Variants in PGAP1 observed in about 807,000 individuals in gnomAD.
PGAP1 encodes the protein post-GPI attachment to proteins inositol deacylase 1.
PGAP1 carries 76 observed loss-of-function variants against 127.0 expected under a neutral mutation model. The ratio of observed to expected loss-of-function variants is 0.60; its 90% CI spans 0.50 to 0.72. PGAP1 has a LOEUF of 0.72. Ranked by LOEUF, PGAP1 falls within the 30% of genes least tolerant of loss-of-function variation. The pLI, the probability that PGAP1 is intolerant of heterozygous loss-of-function variation, is 0.00. For missense variants in PGAP1, 982 were observed against 1,071.3 expected (o/e 0.92, Z 1.16); for synonymous variants, 362 against 366.5 (o/e 0.99, Z 0.14).
chr2:196,856,925 A>T (rs548436149), intron 20 of PGAP1, among the ~76,000 whole-genome samples: 1 of 151,858 alleles, frequency 6.6e-6, no homozygotes, highest in Non-Finnish European at 1.5e-5. Context: ...GATTTATTTG[A>T]GCTGTGTTTT....
intron 3 of PGAP1, among the ~76,000 whole-genome samples, chr2:196,915,340 C>T (rs1284915483): frequency 2.0e-5 from 3 of 152,172 alleles, no homozygotes. Context: ...TACACACTGT[C>T]AACCTCTCAG....
chr2:196,854,433 A>G (rs1163843646), intron 20 of PGAP1, among the ~76,000 whole-genome samples: 1 of 152,196 alleles, frequency 6.6e-6, no homozygotes, highest in Non-Finnish European at 1.5e-5. Context: ...GAAATCAAAT[A>G]TGTTATCAGT....
At position 196,872,939 on chromosome 2, in the gene PGAP1, TA is replaced by T; in HGVS notation, c.1619+20del. 1 of 853,714 alleles carries T rather than the reference TA, an allele frequency of 1.2e-6. No individual in the cohort carries two copies. The highest frequency in any genetic ancestry group is 1.9e-6 in the Non-Finnish European group (1 of 527,906). 52.9% of individuals were successfully genotyped at this position (853,714 alleles called of 1,614,324 possible). ...TATTCAAAAACACCAAAGTTTAAAGTAAATTCTTTCAAATACTTACTGTGCA... is the reference window on the plus strand; with the variant it reads ...TATTCAAAAACACCAAAGTTTAAAGTAATTCTTTCAAATACTTACTGTGCA... On this transcript the variant is annotated intron_variant, in intron 17 of 26. Transcript: ENST00000354764.
Position 196,890,886 on chromosome 2 carries a change from A to G in PGAP1, c.1115T>C (p.Phe372Ser). 1 of 1,527,412 alleles carries G rather than the reference A, an allele frequency of 6.5e-7. No homozygotes were observed. Among genetic ancestry groups the G allele is most frequent in the Non-Finnish European group, 9.1e-7 (1 of 1,101,712 alleles). The allele number at this position is 1,527,412 out of a possible 1,614,324, so 94.6% of individuals were successfully genotyped here. The change falls in exon 10 of 27, where the codon TTT becomes TCT. Residue 372 changes from phenylalanine (F) to serine (S), a missense_variant. By Grantham distance (155) the Phe-to-Ser change is radical (BLOSUM62 -2). Transcript: ENST00000354764. ...GATTTTTCTATGATTTTCAAGAGGAAATGTAAAATATATCTTCTCAGATTC... is the reference window on the plus strand; with the variant it reads ...GATTTTTCTATGATTTTCAAGAGGAGATGTAAAATATATCTTCTCAGATTC... ...YNESEKIYFT[F>S]PLENHRKIYT...
chr2:196,921,767 T>C (rs954687840), intron 1 of PGAP1, among the ~76,000 whole-genome samples: 2 of 152,178 alleles, frequency 1.3e-5, no homozygotes, highest in Admixed American at 6.5e-5. Flanking sequence ...AATATGAATA[T>C]ATACAGAATT....
intron 20 of PGAP1, among the ~76,000 whole-genome samples, chr2:196,855,751 A>G (rs1700861193): frequency 6.6e-6 from 1 of 152,100 alleles, no homozygotes; most frequent in Non-Finnish European, 1.5e-5. Flanking sequence ...GAGTATTCTT[A>G]TGGCCGTATG....
chr2:196,875,721 T>A, intron 14 of PGAP1, 25 bp downstream of exon 14: 1 of 1,318,946 alleles, frequency 7.6e-7, no homozygotes, highest in Non-Finnish European at 1.1e-6. Context: ...GCAATTCTTA[T>A]GCTTTCCAAA....
At chr2:196,848,160 C>T (rs1234551691) in intron 20 of PGAP1, 123 bp from the exon 21 acceptor site, 1 of 488,246 alleles carries the variant, frequency 2.0e-6, no homozygotes, top group African/African-American at 2.0e-5. Flanking sequence ...TCATTACTAT[C>T]ACAGAGACTC....
rs192187534 is a variant in PGAP1 at position 196,917,606 on chromosome 2, T to C, written c.302-1013A>G. 3.9e-5 allele frequency among the ~76,000 whole-genome samples: 6 copies of C among 152,292 alleles called. No individual in the cohort carries two copies. In the East Asian group the frequency reaches 1.2e-3, roughly 29 times the overall value. On this transcript the variant is annotated intron_variant, in intron 2 of 26. Coordinates refer to ENST00000354764, the MANE Select transcript of PGAP1 (RefSeq NM_024989.4). ...ATATCTCATATAATACGTGGCCTTT[T>C]GGAACTGGCTTCTTTCACATAGCAT...
intron 1 of PGAP1, among the ~76,000 whole-genome samples, chr2:196,921,672 C>A (rs550042760): frequency 2.6e-4 from 39 of 151,898 alleles, no homozygotes; most frequent in African/African-American, 9.4e-4. Context: ...TTTCTTGAGA[C>A]AGAAAAGCAA....
At chr2:196,864,708 G>A (rs1701181616) in intron 20 of PGAP1, among the ~76,000 whole-genome samples, 1 of 152,010 alleles carries the variant, frequency 6.6e-6, no homozygotes, top group East Asian at 1.9e-4. Context: ...AAACTATTTG[G>A]GATTGGTGGT....
At position 196,838,200 on chromosome 2, in the gene PGAP1, G is replaced by C. The variant is rs576903591; in HGVS notation, c.*3034C>G. 1.3e-5 allele frequency: 2 copies of C among 152,294 alleles called. No homozygotes were observed. The highest frequency in any genetic ancestry group is 2.9e-5 in the Non-Finnish European group (2 of 68,012). 9.4% of individuals were successfully genotyped at this position (152,294 alleles called of 1,614,324 possible). On this transcript the variant is annotated 3_prime_UTR_variant, in exon 27 of 27. Transcript: ENST00000354764. ...TCTGGTTATCAACAATAGGGTCTAG[G>C]AGTTAAGCACAAAACTTACTCATAA...
intron 9 of PGAP1, 29 bp downstream of exon 9, chr2:196,892,316 TG>T: frequency 8.6e-7 from 1 of 1,160,514 alleles, no homozygotes. Context: ...GGAAAAAACA[TG>T]AAAAAAAATC....
chr2:196,892,234 G>T, intron 9 of PGAP1, 112 bp downstream of exon 9: 1 of 562,178 alleles, frequency 1.8e-6, no homozygotes, highest in Non-Finnish European at 3.2e-6. Context: ...TTATTAAATT[G>T]TGGGAAAATG....
chr2:196,895,719 A>G (rs1399179405), intron 7 of PGAP1, among the ~76,000 whole-genome samples: 1 of 152,222 alleles, frequency 6.6e-6, no homozygotes, highest in Non-Finnish European at 1.5e-5. Flanking sequence ...AAGGAAAAAA[A>G]TCCCTATCCT....
chr2:196,858,268 G>A (rs1267869640), intron 20 of PGAP1, among the ~76,000 whole-genome samples: 1 of 151,952 alleles, frequency 6.6e-6, no homozygotes, highest in African/African-American at 2.4e-5. Context: ...TGGGCATGGT[G>A]GTGGGTACCT....
At position 196,865,049 on chromosome 2, in the gene PGAP1, GC is replaced by G; in HGVS notation, c.1798del (p.Ala600LeufsTer25). 1 of 1,569,304 alleles carries G rather than the reference GC, an allele frequency of 6.4e-7. No individual in the cohort carries two copies. The highest frequency in any genetic ancestry group is 8.6e-7 in the Non-Finnish European group (1 of 1,164,808). On this transcript the variant is annotated frameshift_variant, in exon 20 of 27. Transcript: ENST00000354764. LOFTEE classifies it high-confidence loss of function. ...VVRFHGGALP[A>X]YVVSNILLAY... ...AAGAAGGATATTAGATACGACATAA[GC>G]AGGAAGAGCTCCACCATGAAATCTA...
chr2:196,863,627 G>A (rs1701139847), intron 20 of PGAP1, among the ~76,000 whole-genome samples: 1 of 152,148 alleles, frequency 6.6e-6, no homozygotes, highest in Admixed American at 6.6e-5. Context: ...ACAGTTAGAA[G>A]AAATAAGGTC....
At chr2:196,922,523 C>A in intron 1 of PGAP1, 2 of 980,432 alleles carry the variant, frequency 2.0e-6, no homozygotes, top group Non-Finnish European at 2.4e-6. Context: ...TCTATCCTTG[C>A]CTTCGTCTCC....
Sources: allele counts gnomAD v4.1 joint callset (sites outside exome capture counted in the v4.1 genomes callset), GRCh38; gene constraint gnomAD v4.1.1; transcripts MANE v1.5; gene names NCBI Gene and HGNC (gene_info 2026-07-23, HGNC 2026-07-21).